The following CPAP variants were observed in gnomAD, a reference collection of about 807,000 sequenced individuals.
CPAP encodes the protein centrosome assembly and centriole elongation protein.
chr13:24,884,031 A>T, the CPAP span: 2 of 1,614,068 alleles, frequency 1.2e-6, no homozygotes, highest in Non-Finnish European at 1.7e-6. Flanking sequence ...ATAAGTTTTT[A>T]ACAGTCTGGT....
At chr13:24,904,180 G>T in the CPAP span, 1 of 1,105,766 alleles carries the variant, frequency 9.0e-7, no homozygotes, top group Non-Finnish European at 1.3e-6. Context: ...AAATGCATTA[G>T]AAACAATGCT....
At chr13:24,931,081 G>A in the CPAP span, among the ~76,000 whole-genome samples, 1 of 151,990 alleles carries the variant, frequency 6.6e-6, no homozygotes, top group African/African-American at 2.4e-5. Context: ...CATGTTTGTT[G>A]ACCATTTGAT....
At chr13:24,900,238 C>T in the CPAP span, among the ~76,000 whole-genome samples, 2 of 152,166 alleles carry the variant, frequency 1.3e-5, no homozygotes, top group African/African-American at 4.8e-5. Context: ...AGTGCCAAGG[C>T]CCTGAGGCAA....
chr13:24,917,016 C>T, the CPAP span, among the ~76,000 whole-genome samples: 4 of 152,102 alleles, frequency 2.6e-5, no homozygotes, highest in Admixed American at 6.5e-5. Context: ...TTTGGGAGAC[C>T]AAGACGGGAG....
the CPAP span, chr13:24,910,237 ATTGT>A: frequency 7.6e-6 from 6 of 789,746 alleles, no homozygotes; most frequent in Non-Finnish European, 8.4e-6. Flanking sequence ...AAAACCATTG[ATTGT>A]TTGAGACAGT....
the CPAP span, among the ~76,000 whole-genome samples, chr13:24,925,631 AG>A: frequency 1.3e-5 from 2 of 152,292 alleles, no homozygotes; most frequent in Admixed American, 1.3e-4. Context: ...GGAGGACATC[AG>A]GGCTAGCCTG....
the CPAP span, chr13:24,884,129 G>T: frequency 3.7e-6 from 6 of 1,612,706 alleles, no homozygotes; most frequent in South Asian, 2.2e-5. Context: ...AGGAAGGGAA[G>T]AATTTAATGA....
the CPAP span, among the ~76,000 whole-genome samples, chr13:24,924,288 C>A: frequency 2.5e-5 from 2 of 79,764 alleles, no homozygotes; most frequent in South Asian, 1.0e-3. Context: ...AAAGTCTCAT[C>A]ATTCTTCCTA....
At chr13:24,906,309 C>A in the CPAP span, 1 of 1,603,210 alleles carries the variant, frequency 6.2e-7, no homozygotes, top group Non-Finnish European at 8.5e-7. Flanking sequence ...AACAAAAATT[C>A]ATCTAATTCC....
the CPAP span, chr13:24,909,749 TA>T: frequency 6.4e-7 from 1 of 1,561,100 alleles, no homozygotes; most frequent in African/African-American, 1.4e-5. Context: ...GACAACTTAG[TA>T]ACACTATAAG....
At chr13:24,910,056 T>C in the CPAP span, 2 of 1,613,444 alleles carry the variant, frequency 1.2e-6, no homozygotes, top group Non-Finnish European at 8.5e-7. Flanking sequence ...CCTGTGCTTC[T>C]GGCTCTGATC....
the CPAP span, among the ~76,000 whole-genome samples, chr13:24,901,687 T>C: frequency 2.0e-5 from 3 of 152,176 alleles, no homozygotes; most frequent in Non-Finnish European, 4.4e-5. Context: ...AGATGTCTAT[T>C]ATGTTGTTGA....
At chr13:24,905,887 C>T in the CPAP span, 6 of 1,614,082 alleles carry the variant, frequency 3.7e-6, no homozygotes, top group Non-Finnish European at 5.1e-6. Context: ...TATCCTCAGT[C>T]GATGGTTTTA....
At chr13:24,898,975 T>A in the CPAP span, among the ~76,000 whole-genome samples, 1 of 152,232 alleles carries the variant, frequency 6.6e-6, no homozygotes, top group East Asian at 1.9e-4. Flanking sequence ...TTTTAGCATG[T>A]CCACTTCTAA....
At chr13:24,929,463 C>A in the CPAP span, among the ~76,000 whole-genome samples, 1 of 152,202 alleles carries the variant, frequency 6.6e-6, no homozygotes, top group Non-Finnish European at 1.5e-5. Context: ...TGCCTTCTGG[C>A]CTCCATGGTA....
chr13:24,885,909 G>A, the CPAP span: 2 of 528,954 alleles, frequency 3.8e-6, no homozygotes, highest in East Asian at 3.4e-5. Context: ...AGAGACAGGT[G>A]ATGAAACAGC....
the CPAP span, chr13:24,905,332 AT>A: frequency 1.9e-6 from 3 of 1,610,250 alleles, no homozygotes; most frequent in Middle Eastern, 5.0e-4. Flanking sequence ...ATATTTTATA[AT>A]GCTCTGACTC....
At chr13:24,906,353 T>C in the CPAP span, 1 of 1,612,548 alleles carries the variant, frequency 6.2e-7, no homozygotes, top group East Asian at 2.2e-5. Flanking sequence ...TTCCCAAGTC[T>C]CTAACTTTTT....
chr13:24,883,409 A>T, the CPAP span: 1 of 1,439,340 alleles, frequency 6.9e-7, no homozygotes, highest in Admixed American at 1.9e-5. Context: ...TAAAAAAAAA[A>T]TAATAGAAAA....
Sources: allele counts gnomAD v4.1 joint callset (sites outside exome capture counted in the v4.1 genomes callset), GRCh38; gene constraint gnomAD v4.1.1; transcripts MANE v1.5; gene names NCBI Gene and HGNC (gene_info 2026-07-23, HGNC 2026-07-21).